Variants in ANK1 observed in about 807,000 individuals in gnomAD.
ANK1 encodes ankyrin-1.
Under a neutral mutation model 210.4 loss-of-function variants are expected in ANK1, and 51 were observed. The ratio of observed to expected loss-of-function variants is 0.24; its 90% CI spans 0.19 to 0.31. The LOEUF (loss-of-function observed/expected upper bound fraction) is 0.31. Among genes scored for constraint, ANK1 ranks in the 10% least tolerant of loss-of-function variants. The pLI is 1.00. For missense variants in ANK1, 2,051 were observed against 2,504.4 expected (o/e 0.82, Z 3.86); for synonymous variants, 967 against 1,025.9 (o/e 0.94, Z 1.10).
At chr8:41,838,873 T>C (rs1454877675) in intron 1 of ANK1, among the ~76,000 whole-genome samples, 1 of 151,858 alleles carries the variant, frequency 6.6e-6, no homozygotes, top group Non-Finnish European at 1.5e-5. Flanking sequence ...GGTCAGGAGT[T>C]CAAGACCAGC....
At chr8:41,831,633 G>T (rs1482491943) in intron 1 of ANK1, among the ~76,000 whole-genome samples, 1 of 86,182 alleles carries the variant, frequency 1.2e-5, no homozygotes, top group African/African-American at 5.0e-5. Context: ...CAGAGCAAAA[G>T]TCTGTCAAAA....
chr8:41,696,230 C>CAGGG (rs2150596437), intron 26 of ANK1, 133 bp downstream of exon 26: 1 of 1,011,328 alleles, frequency 9.9e-7, no homozygotes, highest in South Asian at 1.4e-5. Context: ...GCTATGGACA[C>CAGGG]CTTCGTGTGT....
intron 1 of ANK1, among the ~76,000 whole-genome samples, chr8:41,770,230 G>T (rs1011846232): frequency 6.6e-6 from 1 of 152,034 alleles, no homozygotes; most frequent in African/African-American, 2.4e-5. Flanking sequence ...TGCTCTGCCC[G>T]CCTCGGCCTC....
intron 2 of ANK1, among the ~76,000 whole-genome samples, chr8:41,743,783 A>G (rs1835371198): frequency 6.6e-6 from 1 of 151,840 alleles, no homozygotes. Flanking sequence ...GGAACCAGAA[A>G]TATTGGTGTG....
At position 41,784,639 on chromosome 8, in the gene ANK1, C is replaced by T. The variant is rs182533446; in HGVS notation, c.27+12873G>A. Among the ~76,000 whole-genome samples the T allele has an allele frequency of 5.9e-5, 9 of 152,174 alleles. No individual in the cohort carries two copies. In the East Asian group the frequency reaches 1.7e-3, roughly 29 times the overall value. ...TTCAGTTAAAGCTTTTTTTTGCCTT[C>T]CACAAACGTTTTTATCTATAATATT... On this transcript the variant is annotated intron_variant, in intron 1 of 42. Transcript: ENST00000289734.
At chr8:41,772,201 T>C (rs1843097894) in intron 1 of ANK1, among the ~76,000 whole-genome samples, 1 of 152,202 alleles carries the variant, frequency 6.6e-6, no homozygotes, top group Non-Finnish European at 1.5e-5. Context: ...ACAACACTAT[T>C]TGCTTTCTGG....
At chr8:41,664,854 T>A (rs552096641) in intron 39 of ANK1, 1 of 1,613,318 alleles carries the variant, frequency 6.2e-7, no homozygotes, top group East Asian at 2.2e-5. Context: ...GGTCTCCTCG[T>A]CGTCACTGAG....
intron 35 of ANK1, among the ~76,000 whole-genome samples, chr8:41,686,888 AT>A (rs1446851212): frequency 6.6e-6 from 1 of 152,242 alleles, no homozygotes. Context: ...GGAAAATAGC[AT>A]TAGAGTCTAA....
In ANK1 at chr8:41,702,088, G is replaced by A. The variant is rs751238125; in HGVS notation, c.2352C>T (p.Asp784=). 3.1e-6 allele frequency: 5 copies of A among 1,614,120 alleles called. No individual in the cohort carries two copies. The African/African-American group carries it at 4.0e-5, about 13-fold the overall frequency. The change falls in exon 21 of 43, where the codon GAC becomes GAT. Residue 784 remains aspartate (D), a synonymous_variant. Coordinates refer to ENST00000289734, the MANE Select transcript of ANK1 (RefSeq NM_000037.4). ...AKRLGYISVT[D]VLKVVTDETS... is the part of the protein sequence containing the mutation. ...TTTCATCCGTGACGACCTTGAGCAC[G>A]TCGGTGACAGAAATGTAGCCCAAGC...
In ANK1 at chr8:41,725,953, AGAG is replaced by A; in HGVS notation, c.427-10_427-8del. ...CCAGAGGCGTGAAGCCGTCCTGGCC[AGAG>A]GAGGAAAATGCTTTGCTCTGACTCG... is the stretch of plus-strand genomic sequence containing the variant. On this transcript the variant is annotated splice_region_variant and splice_polypyrimidine_tract_variant and intron_variant, in intron 5 of 42. Transcript: ENST00000289734. The A allele has an allele frequency of 6.2e-7, 1 of 1,612,874 alleles. No individual in the cohort carries two copies. The highest frequency in any genetic ancestry group is 1.3e-5 in the African/African-American group (1 of 75,060).
At chr8:41,772,513 G>A (rs1780904695) in intron 1 of ANK1, among the ~76,000 whole-genome samples, 1 of 152,278 alleles carries the variant, frequency 6.6e-6, no homozygotes, top group Non-Finnish European at 1.5e-5. Context: ...CACTGATCTT[G>A]CTTCAACACT....
chr8:41,874,828 T>A (rs1292644943), intron 1 of ANK1, among the ~76,000 whole-genome samples: 1 of 152,242 alleles, frequency 6.6e-6, no homozygotes, highest in Non-Finnish European at 1.5e-5. Flanking sequence ...GAGTTCCTGC[T>A]TTTGATCTTC....
chr8:41,681,410 G>A (rs1815977975), intron 37 of ANK1, among the ~76,000 whole-genome samples: 1 of 152,242 alleles, frequency 6.6e-6, no homozygotes, highest in African/African-American at 2.4e-5. Flanking sequence ...TCCTATGTGG[G>A]AGAAGCACGC....
chr8:41,886,199 C>T (rs1002545081), intron 1 of ANK1, among the ~76,000 whole-genome samples: 5 of 152,228 alleles, frequency 3.3e-5, no homozygotes, highest in Admixed American at 2.6e-4. Flanking sequence ...CCTGCTAATG[C>T]TCATGTCTTG....
chr8:41,726,961 T>C (rs1830863919), intron 5 of ANK1, among the ~76,000 whole-genome samples: 1 of 152,252 alleles, frequency 6.6e-6, no homozygotes, highest in African/African-American at 2.4e-5. Context: ...ACCATACACA[T>C]GCATGCTTCG....
intron 1 of ANK1, among the ~76,000 whole-genome samples, chr8:41,816,072 C>T (rs894052581): frequency 1.3e-5 from 2 of 152,150 alleles, no homozygotes; most frequent in South Asian, 2.1e-4. Context: ...AAACCTTTAT[C>T]GCTCTTACAT....
chr8:41,829,530 C>CTACACTCACCTACACTCCTACTTCTCCTA (rs1806181625), intron 1 of ANK1: 1 of 152,200 alleles, frequency 6.6e-6, no homozygotes, highest in South Asian at 2.1e-4. Context: ...TCTCCTAGTC[C>CTACACTCACCTACACTCCTACTTCTCCTA]CACTCACCGT....
intron 41 of ANK1, 75 bp downstream of exon 41, chr8:41,661,801 C>T: frequency 2.5e-6 from 4 of 1,613,804 alleles, no homozygotes; most frequent in South Asian, 1.1e-5. Flanking sequence ...GCCTCAGTAC[C>T]TTGGAGTGTT....
At chr8:41,663,114 C>CTGTGTGTGTGTGTG (rs56138651) in intron 40 of ANK1, among the ~76,000 whole-genome samples, 12 of 145,236 alleles carry the variant, frequency 8.3e-5, no homozygotes, top group African/African-American at 2.8e-4. Context: ...CTCTCTCTCT[C>CTGTGTGTGTGTGTG]TGTGTGTGTG....
Sources: gnomAD v4.1 joint callset for allele counts (sites outside exome capture counted in the v4.1 genomes callset) on GRCh38, gnomAD v4.1.1 for gene constraint, MANE v1.5 for transcripts, NCBI Gene and HGNC (gene_info 2026-07-23, HGNC 2026-07-21) for gene names.